The following TNIK variants were observed in gnomAD, a reference collection of about 807,000 sequenced individuals.
TNIK encodes the protein TRAF2 and NCK interacting kinase, also known as TRAF2 and NCK-interacting protein kinase.
A neutral mutation model predicts 191.3 loss-of-function variants in TNIK; 49 were observed. That is an observed-to-expected ratio of 0.26 (90% CI 0.20 to 0.32). The LOEUF (loss-of-function observed/expected upper bound fraction) is 0.32. TNIK is among the 10% of genes least tolerant of loss of function. TNIK has a pLI of 1.00. For synonymous variants in TNIK, 594 were observed against 600.9 expected (o/e 0.99, Z 0.17); for missense variants, 1,155 against 1,702.3 (o/e 0.68, Z 5.66).
chr3:171,155,288 A>G (rs9858809), intron 12 of TNIK, among the ~76,000 whole-genome samples: 149,091 of 152,360 alleles, frequency 0.98, 72,955 homozygotes, highest in East Asian at 1. Flanking sequence ...AGCAGGACAC[A>G]GCAGAAGAGT....
chr3:171,405,083 T>G (rs1229393497), intron 1 of TNIK, among the ~76,000 whole-genome samples: 1 of 152,300 alleles, frequency 6.6e-6, no homozygotes, highest in East Asian at 1.9e-4. Context: ...GTAGATACAA[T>G]CATTATCCAT....
intron 1 of TNIK, among the ~76,000 whole-genome samples, chr3:171,386,956 G>A (rs1424437071): frequency 1.3e-5 from 2 of 152,148 alleles, no homozygotes; most frequent in Non-Finnish European, 2.9e-5. Context: ...AATATAAAAT[G>A]TCCCTGCTCC....
At chr3:171,068,321 G>A (rs973257491) in intron 30 of TNIK, among the ~76,000 whole-genome samples, 1 of 152,150 alleles carries the variant, frequency 6.6e-6, no homozygotes, top group Non-Finnish European at 1.5e-5. Flanking sequence ...AGATGCGAAA[G>A]CTGAGGATTG....
intron 12 of TNIK, among the ~76,000 whole-genome samples, chr3:171,148,879 C>T (rs922360238): frequency 2.6e-5 from 4 of 152,194 alleles, no homozygotes; most frequent in Non-Finnish European, 4.4e-5. Context: ...TGTGCTGCCT[C>T]AAGCCCACGG....
At chr3:171,114,290 T>C (rs1352600804) in intron 18 of TNIK, among the ~76,000 whole-genome samples, 5 of 152,202 alleles carry the variant, frequency 3.3e-5, no homozygotes, top group Admixed American at 1.3e-4. Context: ...TGAGATATTA[T>C]ATTAAAATGT....
intron 2 of TNIK, among the ~76,000 whole-genome samples, chr3:171,312,274 A>G (rs1754123035): frequency 6.6e-6 from 1 of 151,960 alleles, no homozygotes; most frequent in Non-Finnish European, 1.5e-5. Context: ...GAGATGATCC[A>G]TTTGCGAGCT....
intron 2 of TNIK, among the ~76,000 whole-genome samples, chr3:171,334,030 C>T (rs747461042): frequency 7.9e-5 from 12 of 152,160 alleles, no homozygotes; most frequent in Non-Finnish European, 1.5e-4. Context: ...GTTATCATCA[C>T]CCCTCCTAAA....
At chr3:171,249,147 T>C (rs1745948199) in intron 2 of TNIK, among the ~76,000 whole-genome samples, 1 of 152,222 alleles carries the variant, frequency 6.6e-6, no homozygotes, top group Non-Finnish European at 1.5e-5. Context: ...AACTAGCTAT[T>C]GAACATGGCA....
At chr3:171,417,042 T>C (rs1723175178) in intron 1 of TNIK, among the ~76,000 whole-genome samples, 1 of 152,228 alleles carries the variant, frequency 6.6e-6, no homozygotes, top group South Asian at 2.1e-4. Flanking sequence ...GACTATTTAT[T>C]TGCTTCAATT....
intron 3 of TNIK, among the ~76,000 whole-genome samples, chr3:171,220,802 A>C (rs1742211637): frequency 6.6e-6 from 1 of 152,182 alleles, no homozygotes; most frequent in Non-Finnish European, 1.5e-5. Context: ...ATGATGTAAA[A>C]AATATTTTTA....
At chr3:171,187,096 CTA>C (rs1234914777) in intron 7 of TNIK, among the ~76,000 whole-genome samples, 1 of 152,124 alleles carries the variant, frequency 6.6e-6, no homozygotes, top group Non-Finnish European at 1.5e-5. Flanking sequence ...TTTCCCCATG[CTA>C]TGTTACATAG....
At chr3:171,276,026 A>G (rs1380521715) in intron 2 of TNIK, among the ~76,000 whole-genome samples, 1 of 152,170 alleles carries the variant, frequency 6.6e-6, no homozygotes, top group African/African-American at 2.4e-5. Flanking sequence ...GACTGCAGAC[A>G]AATGTAGTTC....
At chr3:171,231,827 C>T (rs761559570) in intron 2 of TNIK, among the ~76,000 whole-genome samples, 26 of 152,246 alleles carry the variant, frequency 1.7e-4, no homozygotes, top group Non-Finnish European at 2.5e-4. Context: ...GAGCCTAACC[C>T]AATCCTCTCC....
chr3:171,173,235 A>T (rs1214551551), intron 9 of TNIK, among the ~76,000 whole-genome samples: 1 of 150,906 alleles, frequency 6.6e-6, no homozygotes. Context: ...AAAAAAAAAA[A>T]AATACAAAAA....
intron 2 of TNIK, among the ~76,000 whole-genome samples, chr3:171,320,700 T>C (rs1350531238): frequency 6.6e-6 from 1 of 152,224 alleles, no homozygotes; most frequent in Non-Finnish European, 1.5e-5. Flanking sequence ...TCTAACAAAA[T>C]ACTAATAATC....
Position 171,151,268 on chromosome 3 carries a change from A to T in TNIK, c.1221+6192T>A, listed in dbSNP as rs181006869. Among the ~76,000 whole-genome samples, 54 of 152,366 alleles carry T rather than the reference A, an allele frequency of 3.5e-4. No homozygotes were observed. The East Asian group carries it at 4.8e-3, about 14-fold the overall frequency. On this transcript the variant is annotated intron_variant, in intron 12 of 32. Transcript: ENST00000436636. ...GCTGGCCATCTAAGAACTATTAGACATTTATTGCTCTTAATGATATAACTG... is the reference window on the plus strand; with the variant it reads ...GCTGGCCATCTAAGAACTATTAGACTTTTATTGCTCTTAATGATATAACTG...
At chr3:171,283,579 G>A (rs1319408719) in intron 2 of TNIK, among the ~76,000 whole-genome samples, 1 of 152,134 alleles carries the variant, frequency 6.6e-6, no homozygotes, top group African/African-American at 2.4e-5. Flanking sequence ...TTCCAACCTG[G>A]CTCCTGCCCC....
At chr3:171,254,741 T>C (rs1390554532) in intron 2 of TNIK, among the ~76,000 whole-genome samples, 1 of 152,228 alleles carries the variant, frequency 6.6e-6, no homozygotes, top group East Asian at 1.9e-4. Flanking sequence ...ACAGCATTTA[T>C]CTATCATTTT....
At chr3:171,270,205 A>C (rs1310611581) in intron 2 of TNIK, among the ~76,000 whole-genome samples, 2 of 152,158 alleles carry the variant, frequency 1.3e-5, no homozygotes, top group Non-Finnish European at 2.9e-5. Context: ...TCACTCACTA[A>C]ATTTTAAGTT....
Sources: gnomAD v4.1 joint callset for allele counts (sites outside exome capture counted in the v4.1 genomes callset) on GRCh38, gnomAD v4.1.1 for gene constraint, MANE v1.5 for transcripts, NCBI Gene and HGNC (gene_info 2026-07-23, HGNC 2026-07-21) for gene names.